SPTB: variants seen among roughly 807,000 people sequenced by gnomAD.
SPTB encodes spectrin beta chain, erythrocytic.
Under a neutral mutation model 256.2 loss-of-function variants are expected in SPTB, and 45 were observed. The observed-to-expected ratio is 0.18, with a 90% CI of 0.14 to 0.23. The LOEUF (loss-of-function observed/expected upper bound fraction) is 0.23. SPTB is among the 10% of genes least tolerant of loss of function. The pLI is 1.00. For missense variants in SPTB, 2,715 were observed against 3,040.4 expected (o/e 0.89, Z 2.52); for synonymous variants, 1,231 against 1,243.1 (o/e 0.99, Z 0.21).
At chr14:64,858,834 C>T (rs1336876459) in intron 1 of SPTB, among the ~76,000 whole-genome samples, 1 of 152,132 alleles carries the variant, frequency 6.6e-6, no homozygotes, top group Non-Finnish European at 1.5e-5. Flanking sequence ...GTAAAAATGG[C>T]CTCATTTTAC....
rs1203074510 is a variant in SPTB at position 64,790,630 on chromosome 14, T to C, written c.2804+1089A>G. On this transcript the variant is annotated intron_variant, in intron 15 of 35. Coordinates refer to ENST00000644917, the MANE Select transcript of SPTB (RefSeq NM_001355436.2). This position sits in a 1 kb window ranked among gnomAD's most constrained non-coding sequence, Gnocchi z 4.8. ...CTTAGCCCCCCAGTGAACTCTCCAC[T>C]GTGCCGATCCCTTTCTTTACAATGG... is the stretch of plus-strand genomic sequence containing the variant. 6.6e-6 allele frequency among the ~76,000 whole-genome samples: 1 copy of C among 152,204 alleles called. No homozygotes were observed. Among genetic ancestry groups the C allele is most frequent in the Non-Finnish European group, 1.5e-5 (1 of 68,040 alleles).
chr14:64,759,096 G>A lies in SPTB; in HGVS notation c.6346-5303C>T, dbSNP rs917581004. On this transcript the variant is annotated intron_variant, in intron 32 of 35. Transcript: ENST00000644917. The surrounding 1 kb of genome is among the most constrained non-coding windows in gnomAD (Gnocchi z 4.8). ...ATCTCAGATGAGAAAACTGGGTTCC[G>A]GAAAAGCTCAGTGACGGGCTGAGAT... Among the ~76,000 whole-genome samples the A allele has an allele frequency of 6.6e-6, 1 of 152,180 alleles. No homozygotes were observed. The highest frequency in any genetic ancestry group is 1.5e-5 in the Non-Finnish European group (1 of 68,034).
At chr14:64,870,295 T>TCA (rs1252453703) in intron 1 of SPTB, among the ~76,000 whole-genome samples, 1 of 148,842 alleles carries the variant, frequency 6.7e-6, no homozygotes, top group Non-Finnish European at 1.5e-5. Flanking sequence ...ACCATCACAA[T>TCA]CACACACACA....
intron 1 of SPTB, among the ~76,000 whole-genome samples, chr14:64,856,176 C>T (rs997167528): frequency 1.3e-5 from 2 of 152,222 alleles, no homozygotes; most frequent in Non-Finnish European, 2.9e-5. Context: ...CTTAAGCAGA[C>T]AAAGCACAGT....
rs751530770 is a variant in SPTB at position 64,802,202 on chromosome 14, T to A, written c.566+24A>T. The stretch of plus-strand genomic sequence containing the variant: ...AGCAAGGGGCTGGTGGTGGATGTGC[T>A]AACAGCTGGTTCCCAGGGCATACCC... On this transcript the variant is annotated intron_variant, in intron 5 of 35. Transcript: ENST00000644917. This position sits in a 1 kb window ranked among gnomAD's most constrained non-coding sequence, Gnocchi z 5.1. The A allele has an allele frequency of 5.6e-6, 9 of 1,611,472 alleles. No homozygotes were observed. In the Admixed American group the frequency reaches 1.3e-4, roughly 24 times the overall value.
Position 64,844,553 on chromosome 14 carries a change from A to G in SPTB, c.-51-21408T>C, listed in dbSNP as rs1036347041. 2.0e-5 allele frequency among the ~76,000 whole-genome samples: 3 copies of G among 152,232 alleles called. No individual in the cohort carries two copies. The highest frequency in any genetic ancestry group is 7.2e-5 in the African/African-American group (3 of 41,454). On this transcript the variant is annotated intron_variant, in intron 1 of 35. Coordinates refer to ENST00000644917, the MANE Select transcript of SPTB (RefSeq NM_001355436.2). The surrounding 1 kb of genome is among the most constrained non-coding windows in gnomAD (Gnocchi z 4.1). ...TAAGCTACTTGCCCAAAGTCACACAACTGTGAGAAGCCTGATGCCGGTCTG... is the reference window on the plus strand; with the variant it reads ...TAAGCTACTTGCCCAAAGTCACACAGCTGTGAGAAGCCTGATGCCGGTCTG...
intron 19 of SPTB, 96 bp from the exon 20 acceptor site, chr14:64,782,649 T>A (rs546121267): frequency 1.3e-6 from 2 of 1,554,214 alleles, no homozygotes; most frequent in African/African-American, 2.7e-5. Flanking sequence ...CAAGAGGAGG[T>A]CAGTAAGGCA....
intron 1 of SPTB, among the ~76,000 whole-genome samples, chr14:64,846,217 T>C (rs2083689992): frequency 6.6e-6 from 1 of 152,106 alleles, no homozygotes; most frequent in African/African-American, 2.4e-5. Context: ...ACACGGTAAT[T>C]AAAAACTCTG....
At position 64,785,737 on chromosome 14, in the gene SPTB, G is replaced by T. The variant is rs1200974381; in HGVS notation, c.3764+12C>A. 2 of 1,614,092 alleles carry T rather than the reference G, an allele frequency of 1.2e-6. No homozygotes were observed. The highest frequency in any genetic ancestry group is 1.7e-6 in the Non-Finnish European group (2 of 1,180,000). On this transcript the variant is annotated intron_variant, in intron 17 of 35. Coordinates refer to ENST00000644917, the MANE Select transcript of SPTB (RefSeq NM_001355436.2). This position sits in a 1 kb window ranked among gnomAD's most constrained non-coding sequence, Gnocchi z 4.4. Reference sequence around the variant, plus strand: ...GCTCTGGGGGCCTCGTGGCCCTGGGGCCCGGGAGTACCTGTCCTCAATCAG... The same window carrying T: ...GCTCTGGGGGCCTCGTGGCCCTGGGTCCCGGGAGTACCTGTCCTCAATCAG...
At chr14:64,835,227 C>T (rs1487065777) in intron 1 of SPTB, among the ~76,000 whole-genome samples, 1 of 152,068 alleles carries the variant, frequency 6.6e-6, no homozygotes, top group Non-Finnish European at 1.5e-5. Flanking sequence ...AAAATTAAGT[C>T]CAGCTTCTTC....
At chr14:64,799,219 G>A (rs1377437446) in intron 9 of SPTB, among the ~76,000 whole-genome samples, 1 of 152,270 alleles carries the variant, frequency 6.6e-6, no homozygotes, top group Non-Finnish European at 1.5e-5. Flanking sequence ...ATGCACATGT[G>A]TGTAAGCATA....
chr14:64,831,531 G>A (rs1438490168), intron 1 of SPTB, among the ~76,000 whole-genome samples: 1 of 152,222 alleles, frequency 6.6e-6, no homozygotes. Context: ...TAGCAAGCTG[G>A]GTCATGCTGA....
In SPTB at chr14:64,797,432, A is replaced by ACTACCAC. The variant is rs1200629395; in HGVS notation, c.1182+290_1182+296dup. ...CAGTGAGCTGTGATTGTGCCAATGCACTACCACCTGGGTGACAGAGTGAGA... is the reference window on the plus strand; with the variant it reads ...CAGTGAGCTGTGATTGTGCCAATGCACTACCACCTACCACCTGGGTGACAGAGTGAGA... On this transcript the variant is annotated intron_variant, in intron 10 of 35. Transcript: ENST00000644917. 6.7e-5 allele frequency among the ~76,000 whole-genome samples: 9 copies of ACTACCAC among 134,620 alleles called. No homozygotes were observed. The East Asian group carries it at 2.2e-3, about 33-fold the overall frequency. The allele number at this position is 134,620 out of a possible 152,430, so 88.3% of individuals were successfully genotyped here. A position where few individuals can be genotyped will look rare whatever the true frequency, so the allele number is the denominator to read the frequency against.
rs1046999266 is a variant in SPTB at position 64,785,255 on chromosome 14, A to T, written c.3855+282T>A. ...TCACACATCCTCAAAGCTGGCCCAG[A>T]CTGGGTCCTAGGTGATTCTAAAATA... On this transcript the variant is annotated intron_variant, in intron 18 of 35. Coordinates refer to ENST00000644917, the MANE Select transcript of SPTB (RefSeq NM_001355436.2). This position sits in a 1 kb window ranked among gnomAD's most constrained non-coding sequence, Gnocchi z 4.4. Among the ~76,000 whole-genome samples, 9 of 152,136 alleles carry T rather than the reference A, an allele frequency of 5.9e-5. No homozygotes were observed. Among genetic ancestry groups the T allele is most frequent in the Non-Finnish European group, 1.0e-4 (7 of 68,030 alleles).
In SPTB at chr14:64,778,700, G is replaced by T. The variant is rs2082407232; in HGVS notation, c.4563+457C>A. 2.0e-5 allele frequency among the ~76,000 whole-genome samples: 3 copies of T among 152,152 alleles called. No individual in the cohort carries two copies. The South Asian group carries it at 6.2e-4, about 32-fold the overall frequency. On this transcript the variant is annotated intron_variant, in intron 22 of 35. Transcript: ENST00000644917. The surrounding 1 kb of genome is among the most constrained non-coding windows in gnomAD (Gnocchi z 5.2). ...AGCCCCACAAGTATCCTCATATGTC[G>T]AGAGAAATGGGGCCTACTTACCCCA...
chr14:64,814,674 C>T (rs2083156449), intron 2 of SPTB, among the ~76,000 whole-genome samples: 1 of 152,152 alleles, frequency 6.6e-6, no homozygotes, highest in Admixed American at 6.5e-5. Context: ...TGCCACCACA[C>T]CCAGCTAATT....
At position 64,749,814 on chromosome 14, in the gene SPTB, C is replaced by T. The variant is rs1477547506; in HGVS notation, c.6777-118G>A. On this transcript the variant is annotated intron_variant, in intron 34 of 35. Coordinates refer to ENST00000644917, the MANE Select transcript of SPTB (RefSeq NM_001355436.2). The surrounding 1 kb of genome is among the most constrained non-coding windows in gnomAD (Gnocchi z 4.7). ...ACATCCAGACCCCTCTCAGGCAGCC[C>T]AGCACTTTCTGAGAGGTCAAAGTCT... The T allele has an allele frequency of 6.7e-7, 1 of 1,500,778 alleles. No individual in the cohort carries two copies. Among genetic ancestry groups the T allele is most frequent in the African/African-American group, 1.4e-5 (1 of 72,200 alleles). The allele number at this position is 1,500,778 out of a possible 1,614,324, so 93.0% of individuals were successfully genotyped here.
At chr14:64,875,775 C>G (rs1330823369) in intron 1 of SPTB, among the ~76,000 whole-genome samples, 1 of 152,142 alleles carries the variant, frequency 6.6e-6, no homozygotes, top group Non-Finnish European at 1.5e-5. Flanking sequence ...GTTTCAGAAC[C>G]CAGTATCCAT....
chr14:64,805,040 G>A lies in SPTB; in HGVS notation c.199C>T (p.His67Tyr). 6.2e-7 allele frequency: 1 copy of A among 1,614,142 alleles called. No individual in the cohort carries two copies. Among genetic ancestry groups the A allele is most frequent in the South Asian group, 1.1e-5 (1 of 91,074 alleles). The change falls in exon 3 of 36, where the codon CAC (histidine) becomes TAC (tyrosine). Residue 67 changes from histidine (H) to tyrosine (Y), a missense_variant. By Grantham distance (83) the His-to-Tyr change is moderately conservative. Around this residue, in one of 4 missense-constraint regions of SPTB, gnomAD observed 416 missense variants for 571.1 expected, o/e 0.73. Coordinates refer to ENST00000644917, the MANE Select transcript of SPTB (RefSeq NM_001355436.2). ...KKTFTKWVNS[H>Y]LARVSCRITD... ...ATGCGGCAGGACACTCGAGCCAGGT[G>A]CGAGTTCACCCATTTCGTGAAGGTC...
Sources: gnomAD v4.1 joint callset for allele counts (sites outside exome capture counted in the v4.1 genomes callset) on GRCh38, gnomAD v4.1.1 for gene constraint, gnomAD v4.1.1 regional missense constraint, Gnocchi (gnomAD v3.1) non-coding constraint, MANE v1.5 for transcripts, NCBI Gene and HGNC (gene_info 2026-07-23, HGNC 2026-07-21) for gene names.